Variants in ZDHHC7 observed in about 807,000 individuals in gnomAD.
The protein encoded by ZDHHC7 is palmitoyltransferase ZDHHC7.
In ZDHHC7, 12 loss-of-function variants were observed where a neutral mutation model predicts 34.1. That is an observed-to-expected ratio of 0.35 (90% confidence interval 0.23 to 0.57). The LOEUF (loss-of-function observed/expected upper bound fraction) is 0.57, where lower values mean the gene tolerates loss of function less well. Ranked by LOEUF, ZDHHC7 falls within the 20% of genes least tolerant of loss-of-function variation. ZDHHC7 has a pLI of 0.84. For synonymous variants in ZDHHC7, 185 were observed against 155.4 expected (o/e 1.19, Z -1.42); for missense variants, 388 against 402.7 (o/e 0.96, Z 0.31).
chr16:84,997,611 T>C (rs1376201142), intron 1 of ZDHHC7, among the ~76,000 whole-genome samples: 1 of 149,360 alleles, frequency 6.7e-6, no homozygotes, highest in African/African-American at 2.5e-5. Flanking sequence ...AGAGTAGAAA[T>C]GGGCCAGGCA....
chr16:85,017,001 G>A, the ZDHHC7 span, among the ~76,000 whole-genome samples: 53 of 151,592 alleles, frequency 3.5e-4, no homozygotes, highest in African/African-American at 1.3e-3. Context: ...GAGTGGAATG[G>A]TGTGATCTTG....
intron 2 of ZDHHC7, among the ~76,000 whole-genome samples, chr16:84,994,731 C>T (rs2072554531): frequency 6.6e-6 from 1 of 152,146 alleles, no homozygotes; most frequent in African/African-American, 2.4e-5. Flanking sequence ...CCTATAAGCA[C>T]ATATTAGGGT....
At chr16:84,989,861 A>T (rs1179404843) in intron 3 of ZDHHC7, among the ~76,000 whole-genome samples, 1 of 152,170 alleles carries the variant, frequency 6.6e-6, no homozygotes, top group Non-Finnish European at 1.5e-5. Context: ...AACTTTTTTC[A>T]AATGAAAATC....
At chr16:84,988,965 A>G in intron 3 of ZDHHC7, 2 of 1,301,524 alleles carry the variant, frequency 1.5e-6, no homozygotes, top group Non-Finnish European at 2.2e-6. Context: ...CACTTTGGGC[A>G]ACAAACAAGG....
intron 1 of ZDHHC7, among the ~76,000 whole-genome samples, chr16:85,010,210 G>A (rs190221006): frequency 6.6e-6 from 1 of 151,768 alleles, no homozygotes; most frequent in Admixed American, 6.6e-5. Context: ...TTGTAGAGAA[G>A]GGGATCTCAC....
intron 1 of ZDHHC7, among the ~76,000 whole-genome samples, chr16:85,001,125 T>C (rs2072646972): frequency 6.6e-6 from 1 of 152,058 alleles, no homozygotes; most frequent in South Asian, 2.1e-4. Context: ...AACTCTAGAC[T>C]TCACTCTGCT....
At chr16:84,981,841 G>A (rs368105289) in intron 4 of ZDHHC7, 29 bp downstream of exon 4, 11 of 1,612,604 alleles carry the variant, frequency 6.8e-6, no homozygotes, top group African/African-American at 2.7e-5. Context: ...TGGCGGATGC[G>A]CTCGGGTTTA....
intron 3 of ZDHHC7, among the ~76,000 whole-genome samples, chr16:84,988,599 C>T (rs1202832684): frequency 6.6e-6 from 1 of 152,164 alleles, no homozygotes; most frequent in African/African-American, 2.4e-5. Flanking sequence ...GGGCCTTTTC[C>T]GCAGGAGCAG....
At chr16:85,008,045 G>C (rs1371596309) in intron 1 of ZDHHC7, among the ~76,000 whole-genome samples, 1 of 151,960 alleles carries the variant, frequency 6.6e-6, no homozygotes, top group Non-Finnish European at 1.5e-5. Context: ...GAGCCCAGGA[G>C]ATCAAGGCTG....
intron 1 of ZDHHC7, among the ~76,000 whole-genome samples, chr16:85,008,908 G>A (rs143975491): frequency 1.3e-5 from 2 of 151,778 alleles, no homozygotes; most frequent in East Asian, 1.9e-4. Context: ...AGCCAGCCAC[G>A]GTGGCTCAGG....
At chr16:85,007,659 A>C (rs2072736013) in intron 1 of ZDHHC7, among the ~76,000 whole-genome samples, 2 of 152,068 alleles carry the variant, frequency 1.3e-5, no homozygotes, top group Admixed American at 6.5e-5. Context: ...GCAAAGCAGA[A>C]GAAAATGACT....
intron 2 of ZDHHC7, among the ~76,000 whole-genome samples, chr16:84,991,570 G>A (rs988521120): frequency 6.0e-5 from 9 of 150,500 alleles, no homozygotes; most frequent in Admixed American, 2.0e-4. Flanking sequence ...TTACAGGCAT[G>A]AGCCACTGCA....
chr16:85,021,409 C>CAAAAAAAAA, the ZDHHC7 span, among the ~76,000 whole-genome samples: 1 of 85,474 alleles, frequency 1.2e-5, no homozygotes, highest in Non-Finnish European at 2.3e-5. Flanking sequence ...AGACTCCATC[C>CAAAAAAAAA]AAAAAAAAAA....
chr16:85,006,514 G>C (rs1297383740), intron 1 of ZDHHC7, among the ~76,000 whole-genome samples: 4 of 151,774 alleles, frequency 2.6e-5, no homozygotes, highest in Non-Finnish European at 4.4e-5. Context: ...AGGAGTTCAA[G>C]ACCAGCCTGA....
At chr16:85,013,111 G>T (rs996612818), upstream of ZDHHC7, among the ~76,000 whole-genome samples, 1 of 151,750 alleles carries the variant, frequency 6.6e-6, no homozygotes, top group Non-Finnish European at 1.5e-5. Flanking sequence ...GGCACCAAAG[G>T]AATCTGCAAA....
At chr16:85,022,291 C>T in the ZDHHC7 span, among the ~76,000 whole-genome samples, 18 of 151,910 alleles carry the variant, frequency 1.2e-4, no homozygotes, top group Non-Finnish European at 2.1e-4. Flanking sequence ...GAGGCCGAGG[C>T]GGTTGGATCA....
intron 2 of ZDHHC7, among the ~76,000 whole-genome samples, chr16:84,993,834 C>T (rs2072541216): frequency 6.6e-6 from 1 of 152,188 alleles, no homozygotes; most frequent in African/African-American, 2.4e-5. Context: ...ATTGCCTCTA[C>T]ATAAACCTCA....
the ZDHHC7 span, among the ~76,000 whole-genome samples, chr16:85,023,843 C>G: frequency 6.6e-6 from 1 of 152,018 alleles, no homozygotes; most frequent in African/African-American, 2.4e-5. Flanking sequence ...TGGTCTCAAA[C>G]TCCTGAGCTC....
chr16:84,994,740 G>T (rs1031039286), intron 2 of ZDHHC7, among the ~76,000 whole-genome samples: 1 of 152,178 alleles, frequency 6.6e-6, no homozygotes, highest in African/African-American at 2.4e-5. Context: ...ACATATTAGG[G>T]TGACATATCA....
Sources: allele counts gnomAD v4.1 joint callset (sites outside exome capture counted in the v4.1 genomes callset), GRCh38; gene constraint gnomAD v4.1.1; transcripts MANE v1.5; gene names NCBI Gene and HGNC (gene_info 2026-07-23, HGNC 2026-07-21).